Variants in TMEFF2 observed in about 807,000 individuals in gnomAD.
The protein encoded by TMEFF2 is transmembrane protein with EGF like and two follistatin like domains 2, also known as tomoregulin-2.
In TMEFF2, 28 loss-of-function variants were observed where a neutral mutation model predicts 53.8. The observed-to-expected ratio is 0.52, with a 90% CI of 0.39 to 0.71. The LOEUF (loss-of-function observed/expected upper bound fraction) is 0.71, where lower values mean the gene tolerates loss of function less well. Among genes scored for constraint, TMEFF2 ranks in the 30% least tolerant of loss-of-function variants. The pLI, the probability that TMEFF2 is intolerant of heterozygous loss-of-function variation, is 0.00. For synonymous variants in TMEFF2, 162 were observed against 166.3 expected (o/e 0.97, Z 0.20); for missense variants, 353 against 455.2 (o/e 0.78, Z 2.04).
At chr2:192,021,583 G>A (rs1259387067) in intron 5 of TMEFF2, among the ~76,000 whole-genome samples, 2 of 152,228 alleles carry the variant, frequency 1.3e-5, no homozygotes, top group East Asian at 3.9e-4. Flanking sequence ...GAACCAAAGT[G>A]GAAAGAAGAG....
At chr2:192,166,403 T>C (rs906327969) in intron 4 of TMEFF2, among the ~76,000 whole-genome samples, 10 of 152,164 alleles carry the variant, frequency 6.6e-5, no homozygotes, top group Admixed American at 2.0e-4. Flanking sequence ...TCATCCAGAA[T>C]TATGTAATGG....
intron 7 of TMEFF2, among the ~76,000 whole-genome samples, chr2:191,977,251 G>T (rs1685752084): frequency 6.6e-6 from 1 of 152,216 alleles, no homozygotes; most frequent in African/African-American, 2.4e-5. Flanking sequence ...TGTGCCTGGA[G>T]CAGGCTAGAG....
At chr2:192,147,213 A>G (rs938275900) in intron 4 of TMEFF2, among the ~76,000 whole-genome samples, 1 of 152,072 alleles carries the variant, frequency 6.6e-6, no homozygotes, top group Non-Finnish European at 1.5e-5. Context: ...TAAACTGAAG[A>G]TTAAATCACA....
intron 4 of TMEFF2, among the ~76,000 whole-genome samples, chr2:192,173,178 A>C (rs1445599281): frequency 1.3e-5 from 2 of 152,010 alleles, no homozygotes; most frequent in Non-Finnish European, 2.9e-5. Context: ...ATAAATGCAT[A>C]AGGTGATGGA....
Position 191,950,382 on chromosome 2 carries a change from G to C in TMEFF2, c.1054C>G (p.His352Asp). ...TRKCPRSNRI[H>D]RQKQNTGHYS... ...TGCCCTGTATTTTGCTTCTGTCTGT[G>C]AATTCTGTTGCTTCTGGGGCATTTC... Residue 352 changes from histidine (H) to aspartate (D), a missense_variant, in exon 10 of 10, where the codon CAC (histidine) becomes GAC (aspartate). Around this residue, in one of 3 missense-constraint regions of TMEFF2, gnomAD observed 294 missense variants for 397.3 expected, o/e 0.74. Coordinates refer to ENST00000272771, the MANE Select transcript of TMEFF2 (RefSeq NM_016192.4). 6.2e-7 allele frequency: 1 copy of C among 1,613,836 alleles called. No individual in the cohort carries two copies. The highest frequency in any genetic ancestry group is 8.5e-7 in the Non-Finnish European group (1 of 1,179,926).
chr2:192,054,797 G>A (rs1459191823), intron 5 of TMEFF2, among the ~76,000 whole-genome samples: 2 of 151,812 alleles, frequency 1.3e-5, no homozygotes, highest in African/African-American at 4.8e-5. Context: ...TCTTCATCTT[G>A]GTCCTGCCAC....
Position 191,949,304 on chromosome 2 carries a change from ATCTC to A in TMEFF2, c.*1003_*1006del, listed in dbSNP as rs1054617378. The stretch of plus-strand genomic sequence containing the variant: ...CTCACCACATAAATATGCTCAAAAC[ATCTC>A]TCTGTTTTCATGAAATATCGTCATC... On this transcript the variant is annotated 3_prime_UTR_variant, in exon 10 of 10. Coordinates refer to ENST00000272771, the MANE Select transcript of TMEFF2 (RefSeq NM_016192.4). 16 of 985,342 alleles carry A rather than the reference ATCTC, an allele frequency of 1.6e-5. No homozygotes were observed. The highest frequency in any genetic ancestry group is 9.4e-5 in the South Asian group (2 of 21,286). 61.0% of individuals were successfully genotyped at this position (985,342 alleles called of 1,614,324 possible). A position where few individuals can be genotyped will look rare whatever the true frequency, so the allele number is the denominator to read the frequency against.
intron 5 of TMEFF2, among the ~76,000 whole-genome samples, chr2:192,026,127 C>G (rs1478723707): frequency 6.6e-6 from 1 of 152,160 alleles, no homozygotes; most frequent in Non-Finnish European, 1.5e-5. Flanking sequence ...TTGCTCAGTT[C>G]ACAGTATCAT....
In TMEFF2 at chr2:191,949,334, A is replaced by G. The variant is rs1422679927; in HGVS notation, c.*977T>C. ...TCTGTTTTCATGAAATATCGTCATCATCATCTTAGTTCCATTACAAATTAT... is the reference window on the plus strand; with the variant it reads ...TCTGTTTTCATGAAATATCGTCATCGTCATCTTAGTTCCATTACAAATTAT... On this transcript the variant is annotated 3_prime_UTR_variant, in exon 10 of 10. Transcript: ENST00000272771. The G allele has an allele frequency of 2.0e-6, 2 of 985,282 alleles. No individual in the cohort carries two copies. Among genetic ancestry groups the G allele is most frequent in the Non-Finnish European group, 2.4e-6 (2 of 829,912 alleles). The allele number at this position is 985,282 out of a possible 1,614,324, so 61.0% of individuals were successfully genotyped here.
chr2:192,096,087 G>A (rs2105939056), intron 4 of TMEFF2, among the ~76,000 whole-genome samples: 1 of 152,230 alleles, frequency 6.6e-6, no homozygotes, highest in East Asian at 1.9e-4. Context: ...CTTACTGGCA[G>A]GAAAATGGCA....
intron 5 of TMEFF2, among the ~76,000 whole-genome samples, chr2:192,041,160 G>A (rs1165427116): frequency 6.6e-6 from 1 of 152,156 alleles, no homozygotes; most frequent in Non-Finnish European, 1.5e-5. Context: ...ATACGGTCAA[G>A]AGAGTGAAAG....
Position 192,027,304 on chromosome 2 carries a change from C to T in TMEFF2, c.537-28096G>A, listed in dbSNP as rs1296202110. Among the ~76,000 whole-genome samples, 26 of 152,166 alleles carry T rather than the reference C, an allele frequency of 1.7e-4. 1 individual carries two copies. Among genetic ancestry groups the T allele is most frequent in the African/African-American group, 4.8e-5 (2 of 41,426 alleles). On this transcript the variant is annotated intron_variant, in intron 5 of 9. Coordinates refer to ENST00000272771, the MANE Select transcript of TMEFF2 (RefSeq NM_016192.4). Reference sequence around the variant, plus strand: ...AATTTAAATCAAAGTTCCACTGCATCATTAATTCACTTATTCATTCATTCC... The same window carrying T: ...AATTTAAATCAAAGTTCCACTGCATTATTAATTCACTTATTCATTCATTCC...
At chr2:192,038,443 GTTATT>G (rs1403158635) in intron 5 of TMEFF2, among the ~76,000 whole-genome samples, 2 of 152,082 alleles carry the variant, frequency 1.3e-5, no homozygotes, top group Non-Finnish European at 2.9e-5. Context: ...ATACTTAGTT[GTTATT>G]TTAAATTTTT....
chr2:192,130,049 T>C (rs1462312838), intron 4 of TMEFF2, among the ~76,000 whole-genome samples: 2 of 152,236 alleles, frequency 1.3e-5, no homozygotes, highest in Non-Finnish European at 2.9e-5. Context: ...TGCACTGTGA[T>C]TTGTAGTTTT....
intron 4 of TMEFF2, among the ~76,000 whole-genome samples, chr2:192,133,993 C>G (rs556461535): frequency 8.5e-5 from 13 of 152,302 alleles, no homozygotes; most frequent in Admixed American, 3.9e-4. Flanking sequence ...AGCCAGTACC[C>G]CACCCTGTAG....
At chr2:192,119,904 G>T (rs1038780406) in intron 4 of TMEFF2, among the ~76,000 whole-genome samples, 8 of 152,162 alleles carry the variant, frequency 5.3e-5, no homozygotes, top group Admixed American at 1.3e-4. Context: ...GCCAACCTGG[G>T]TTAAATTACA....
At chr2:192,139,964 G>A (rs1472952508) in intron 4 of TMEFF2, among the ~76,000 whole-genome samples, 1 of 151,938 alleles carries the variant, frequency 6.6e-6, no homozygotes, top group East Asian at 1.9e-4. Context: ...TCTTTTTTCA[G>A]CAACGTCTTA....
chr2:192,193,308 C>T (rs1037721237), intron 1 of TMEFF2, among the ~76,000 whole-genome samples: 1 of 152,146 alleles, frequency 6.6e-6, no homozygotes, highest in Non-Finnish European at 1.5e-5. Context: ...GTTTAAAATG[C>T]CAAGGAAATT....
chr2:192,158,738 C>G (rs900734970), intron 4 of TMEFF2, among the ~76,000 whole-genome samples: 1 of 152,082 alleles, frequency 6.6e-6, no homozygotes, highest in Non-Finnish European at 1.5e-5. Flanking sequence ...ACAACCACAG[C>G]AACTCACAGA....
Sources: allele counts gnomAD v4.1 joint callset (sites outside exome capture counted in the v4.1 genomes callset), GRCh38; gene constraint gnomAD v4.1.1; regional missense constraint gnomAD v4.1.1; transcripts MANE v1.5; gene names NCBI Gene and HGNC (gene_info 2026-07-23, HGNC 2026-07-21).